The following CDKN1A variants were observed in gnomAD, a reference collection of about 807,000 sequenced individuals.
The protein encoded by CDKN1A is cyclin dependent kinase inhibitor 1A, also known as cyclin-dependent kinase inhibitor 1.
In CDKN1A, 14 loss-of-function variants were observed where a neutral mutation model predicts 14.8. The ratio of observed to expected loss-of-function variants is 0.94; its 90% CI spans 0.62 to 1.48. CDKN1A has a LOEUF of 1.48. Among genes scored for constraint, CDKN1A ranks in the 40% most tolerant of loss-of-function variants. The pLI is 0.00. For missense variants in CDKN1A, 203 were observed against 231.7 expected, an observed-to-expected ratio of 0.88 and a Z score of 0.80; for synonymous variants, 92 against 93.5, an observed-to-expected ratio of 0.98 and a Z score of 0.09.
intron 1 of CDKN1A, among the ~76,000 whole-genome samples, chr6:36,683,231 C>T (rs1762076789): frequency 6.6e-6 from 1 of 152,226 alleles, no homozygotes; most frequent in Non-Finnish European, 1.5e-5. Flanking sequence ...CTATTACTAT[C>T]CCCATTTTAT....
chr6:36,679,025 G>C, intron 1 of CDKN1A: 1 of 952,470 alleles, frequency 1.0e-6, no homozygotes, highest in African/African-American at 1.9e-5. Flanking sequence ...GGGATGTGCC[G>C]GAGACCCCGG....
At chr6:36,680,789 A>G (rs1467398578) in intron 1 of CDKN1A, 1 of 152,288 alleles carries the variant, frequency 6.6e-6, no homozygotes, top group Non-Finnish European at 1.5e-5. Context: ...CTTACTGGAA[A>G]TTAAAATATG....
chr6:36,679,246 G>A (rs1258327134), intron 1 of CDKN1A, among the ~76,000 whole-genome samples: 1 of 152,224 alleles, frequency 6.6e-6, no homozygotes, highest in Non-Finnish European at 1.5e-5. Context: ...AAAGCGGAGT[G>A]GAGTAAGTTC....
At chr6:36,678,516 C>T (rs1011543428), upstream of CDKN1A, 1 of 234,974 alleles carries the variant, frequency 4.3e-6, no homozygotes, top group Non-Finnish European at 7.0e-6. This position sits in a 1 kb window ranked among gnomAD's most constrained non-coding sequence, Gnocchi z 5.7. Flanking sequence ...TGCCCTCCTG[C>T]AGCACGCGAG....
Position 36,687,231 on chromosome 6 carries a change from G to C in CDKN1A, c.*1431G>C, listed in dbSNP as rs778257166. ...TCTCCACCTAGACTGTAAACCTCTC[G>C]AGGGCAGGGACCACACCCTGTACTG... On this transcript the variant is annotated 3_prime_UTR_variant, in exon 3 of 3. Coordinates refer to ENST00000244741, the MANE Select transcript of CDKN1A (RefSeq NM_000389.5). 5 of 232,962 alleles carry C rather than the reference G, an allele frequency of 2.1e-5. No homozygotes were observed. Among genetic ancestry groups the C allele is most frequent in the South Asian group, 1.8e-4 (1 of 5,520 alleles). 14.4% of individuals were successfully genotyped at this position (232,962 alleles called of 1,614,324 possible).
chr6:36,680,201 C>G (rs998066976), intron 1 of CDKN1A, among the ~76,000 whole-genome samples: 5 of 152,058 alleles, frequency 3.3e-5, no homozygotes, highest in Non-Finnish European at 5.9e-5. Flanking sequence ...TCGTTGCTCC[C>G]GTCTATTTTT....
chr6:36,680,307 CGTGTGTGTGTGTGTGT>C (rs59454180), intron 1 of CDKN1A, among the ~76,000 whole-genome samples: 2 of 133,188 alleles, frequency 1.5e-5, no homozygotes, highest in Non-Finnish European at 3.2e-5. Flanking sequence ...TCTGCGCGGG[CGTGTGTGTGTGTGTGT>C]GTGTGTGTGT....
chr6:36,679,193 G>T (rs3176325), intron 1 of CDKN1A, among the ~76,000 whole-genome samples: 2,327 of 152,332 alleles, frequency 0.015, 76 homozygotes, highest in African/African-American at 0.052. Flanking sequence ...TCGCGGCGTG[G>T]GGATGAAGTC....
In CDKN1A at chr6:36,684,220, G is replaced by T. The variant is rs1028477737; in HGVS notation, c.119G>T (p.Gly40Val). Residue 40 changes from glycine to valine, a missense_variant, in exon 2 of 3, where the codon GGC becomes GTC. Gly to Val is a moderately radical substitution (Grantham distance 109, BLOSUM62 -3). Transcript: ENST00000244741. This position sits in a 1 kb window ranked among gnomAD's most constrained non-coding sequence, Gnocchi z 6.0. The stretch of plus-strand genomic sequence containing the variant: ...CGCGACTGTGATGCGCTAATGGCGG[G>T]CTGCATCCAGGAGGCCCGTGAGCGA... ...LSRDCDALMA[G>V]CIQEARERWN... 9 of 1,611,808 alleles carry T rather than the reference G, an allele frequency of 5.6e-6. No individual in the cohort carries two copies. In the African/African-American group the frequency reaches 9.3e-5, roughly 17 times the overall value.
At chr6:36,681,411 T>TTC (rs1554185413) in intron 1 of CDKN1A, among the ~76,000 whole-genome samples, 24,039 of 87,788 alleles carry the variant, frequency 0.27, 4,532 homozygotes, top group East Asian at 0.36. Context: ...CTTTCTTCCT[T>TTC]TCTCTTTCTC....
Position 36,684,803 on chromosome 6 carries a change from G to A in CDKN1A, c.445+257G>A, listed in dbSNP as rs1432719220. Among the ~76,000 whole-genome samples, 1 of 152,184 alleles carries A rather than the reference G, an allele frequency of 6.6e-6. No individual in the cohort carries two copies. Among genetic ancestry groups the A allele is most frequent in the Non-Finnish European group, 1.5e-5 (1 of 68,038 alleles). The stretch of plus-strand genomic sequence containing the variant: ...AGATTTATTTAGTCCTTATAGCAAT[G>A]TTATAACATAAGACATTCTTGTCAC... On this transcript the variant is annotated intron_variant, in intron 2 of 2. Transcript: ENST00000244741. This position sits in a 1 kb window ranked among gnomAD's most constrained non-coding sequence, Gnocchi z 6.0.
At chr6:36,685,709 CTCT>C (rs750860362) in intron 2 of CDKN1A, 39 bp from the exon 3 acceptor site, 50 of 1,609,950 alleles carry the variant, frequency 3.1e-5, no homozygotes, top group Non-Finnish European at 3.7e-5. Flanking sequence ...CCGCCGCGTC[CTCT>C]TCTTCTTGGC....
chr6:36,676,770 T>A (rs1217100060), upstream of CDKN1A, among the ~76,000 whole-genome samples: 3 of 147,170 alleles, frequency 2.0e-5, no homozygotes, highest in African/African-American at 7.7e-5. Context: ...CACATTCAAG[T>A]GCATGGTTGC....
chr6:36,677,113 G>T (rs4135237), upstream of CDKN1A, among the ~76,000 whole-genome samples: 15,134 of 152,114 alleles, frequency 0.099, 844 homozygotes, highest in Middle Eastern at 0.12. Context: ...GGATGGTTTG[G>T]ATGTATAGGA....
At chr6:36,676,729 C>G (rs1761703214), upstream of CDKN1A, among the ~76,000 whole-genome samples, 1 of 151,872 alleles carries the variant, frequency 6.6e-6, no homozygotes, top group African/African-American at 2.4e-5. Flanking sequence ...TTTTTCAGGG[C>G]AGAAGTCCTC....
chr6:36,680,277 G>A (rs1761872413), intron 1 of CDKN1A, among the ~76,000 whole-genome samples: 1 of 140,908 alleles, frequency 7.1e-6, no homozygotes, highest in Non-Finnish European at 1.6e-5. Flanking sequence ...GCCGGCTCCC[G>A]GCGCGCGCGC....
chr6:36,680,268 C>T (rs1424406412), intron 1 of CDKN1A, among the ~76,000 whole-genome samples: 1 of 149,664 alleles, frequency 6.7e-6, no homozygotes, highest in Non-Finnish European at 1.5e-5. Context: ...GGTGGAGGGG[C>T]CGGCTCCCGG....
intron 1 of CDKN1A, among the ~76,000 whole-genome samples, chr6:36,682,896 C>T (rs1342211214): frequency 6.6e-6 from 1 of 152,248 alleles, no homozygotes; most frequent in African/African-American, 2.4e-5. Context: ...GGTGTCTAGA[C>T]TTCAGATCAC....
intron 1 of CDKN1A, among the ~76,000 whole-genome samples, chr6:36,683,600 G>T (rs3176349): frequency 0.019 from 2,937 of 152,306 alleles, 51 homozygotes; most frequent in Middle Eastern, 0.031. Flanking sequence ...GGCAGAGCAG[G>T]GTTACCCTAC....
Sources: gnomAD v4.1 joint callset for allele counts (sites outside exome capture counted in the v4.1 genomes callset) on GRCh38, gnomAD v4.1.1 for gene constraint, Gnocchi (gnomAD v3.1) non-coding constraint, MANE v1.5 for transcripts, NCBI Gene and HGNC (gene_info 2026-07-23, HGNC 2026-07-21) for gene names.